MNAT1: variants seen among roughly 807,000 people sequenced by gnomAD.
The protein encoded by MNAT1 is CDK-activating kinase assembly factor MAT1.
MNAT1 carries 43 observed loss-of-function variants against 42.0 expected under a neutral mutation model. That is an observed-to-expected ratio of 1.02 (90% CI 0.80 to 1.32). The LOEUF is 1.32. Ranked by LOEUF, MNAT1 falls within the 40% of genes most tolerant of loss-of-function variation. The pLI is 0.00. For synonymous variants in MNAT1, 118 were observed against 120.0 expected, an observed-to-expected ratio of 0.98 and a Z score of 0.11; for missense variants, 306 against 350.4, an observed-to-expected ratio of 0.87 and a Z score of 1.01.
At chr14:60,805,515 CAG>C (rs2139341966) in intron 3 of MNAT1, among the ~76,000 whole-genome samples, 1 of 152,310 alleles carries the variant, frequency 6.6e-6, no homozygotes, top group South Asian at 2.1e-4. Flanking sequence ...TTATATCATA[CAG>C]AGTCATTTTA....
At chr14:60,852,682 T>G (rs901775841) in intron 6 of MNAT1, among the ~76,000 whole-genome samples, 4 of 152,260 alleles carry the variant, frequency 2.6e-5, no homozygotes, top group African/African-American at 4.8e-5. Context: ...GTTTTGGGTT[T>G]TACCTTTAAG....
At chr14:60,812,153 G>A in intron 5 of MNAT1, 26 bp downstream of exon 5, 1 of 1,499,558 alleles carries the variant, frequency 6.7e-7, no homozygotes, top group South Asian at 1.5e-5. Context: ...AATTGTGATT[G>A]TAAAAAACAT....
intron 7 of MNAT1, among the ~76,000 whole-genome samples, chr14:60,909,236 T>C (rs535989654): frequency 6.6e-6 from 1 of 152,308 alleles, no homozygotes; most frequent in South Asian, 2.1e-4. Flanking sequence ...CTTTGTCAGA[T>C]GAGTAGGTTG....
chr14:60,762,705 CAAAAAAAA>C (rs33957783), intron 1 of MNAT1, among the ~76,000 whole-genome samples: 9 of 94,792 alleles, frequency 9.5e-5, no homozygotes, highest in African/African-American at 3.8e-4. Flanking sequence ...GACTCTGTCT[CAAAAAAAA>C]AAAAAAAAAA....
At chr14:60,849,715 A>G (rs141889114) in intron 6 of MNAT1, among the ~76,000 whole-genome samples, 92 of 152,310 alleles carry the variant, frequency 6.0e-4, no homozygotes, top group African/African-American at 1.9e-3. Flanking sequence ...TGTAGATTCT[A>G]TAATTCTTTT....
At chr14:60,951,892 A>G (rs1334140335) in intron 7 of MNAT1, among the ~76,000 whole-genome samples, 1 of 152,122 alleles carries the variant, frequency 6.6e-6, no homozygotes, top group Non-Finnish European at 1.5e-5. Flanking sequence ...GGCTTCACTG[A>G]GTCTGAACCA....
intron 1 of MNAT1, chr14:60,780,576 A>G (rs1341303816): frequency 2.6e-6 from 4 of 1,513,520 alleles, no homozygotes; most frequent in Non-Finnish European, 3.6e-6. Flanking sequence ...GTGGCCTACA[A>G]AATTCCTGTC....
intron 7 of MNAT1, among the ~76,000 whole-genome samples, chr14:60,932,231 A>C (rs2035904091): frequency 6.6e-6 from 1 of 151,922 alleles, no homozygotes; most frequent in South Asian, 2.1e-4. Flanking sequence ...ATATTTCTTA[A>C]ATTTTTGTTT....
Position 60,891,799 on chromosome 14 carries a change from C to T in MNAT1, c.809+11964C>T, listed in dbSNP as rs530772480. 1.5e-4 allele frequency among the ~76,000 whole-genome samples: 23 copies of T among 152,180 alleles called. No homozygotes were observed. In the South Asian group the frequency reaches 4.8e-3, roughly 32 times the overall value. ...GTTAGCACTCATAGCTATAAATTTT[C>T]CTCTTAGTACTCTTTTGCTGTGTCC... On this transcript the variant is annotated intron_variant, in intron 7 of 7. Coordinates refer to ENST00000261245, the MANE Select transcript of MNAT1 (RefSeq NM_002431.4).
At chr14:60,946,683 G>GCA (rs1474693765) in intron 7 of MNAT1, among the ~76,000 whole-genome samples, 1 of 151,856 alleles carries the variant, frequency 6.6e-6, no homozygotes, top group East Asian at 1.9e-4. Flanking sequence ...TCTTTTTTAG[G>GCA]CACTTCTTGT....
intron 6 of MNAT1, among the ~76,000 whole-genome samples, chr14:60,820,639 C>G (rs1332020159): frequency 6.6e-6 from 1 of 151,506 alleles, no homozygotes; most frequent in Non-Finnish European, 1.5e-5. Flanking sequence ...TTACCCACTT[C>G]TCTCCACCTC....
chr14:60,964,953 A>G (rs976135921), intron 7 of MNAT1, among the ~76,000 whole-genome samples: 1 of 152,264 alleles, frequency 6.6e-6, no homozygotes, highest in African/African-American at 2.4e-5. Context: ...ATAAAAGCCC[A>G]CAATTGAATA....
chr14:60,778,965 CTT>C (rs1173918429), intron 1 of MNAT1, among the ~76,000 whole-genome samples: 1 of 152,176 alleles, frequency 6.6e-6, no homozygotes. Flanking sequence ...ATTCATATAG[CTT>C]TAGACCCTGT....
intron 5 of MNAT1, among the ~76,000 whole-genome samples, chr14:60,815,552 C>G (rs1157945975): frequency 6.6e-6 from 1 of 152,148 alleles, no homozygotes; most frequent in Non-Finnish European, 1.5e-5. Flanking sequence ...GTTTTGCTGC[C>G]TCATTGAGCT....
chr14:60,843,506 G>C (rs1009868564), intron 6 of MNAT1, among the ~76,000 whole-genome samples: 1 of 152,040 alleles, frequency 6.6e-6, no homozygotes, highest in Non-Finnish European at 1.5e-5. Context: ...TCCTGACCTC[G>C]TGATCCGCCT....
chr14:60,735,116 G>C (rs4151151), intron 1 of MNAT1, among the ~76,000 whole-genome samples, 165 bp downstream of exon 1: 1 of 152,120 alleles, frequency 6.6e-6, no homozygotes, highest in East Asian at 1.9e-4. Context: ...GACTGTAGCC[G>C]CTAGCCCCGA....
chr14:60,932,242 C>T (rs1412588361), intron 7 of MNAT1, among the ~76,000 whole-genome samples: 1 of 151,780 alleles, frequency 6.6e-6, no homozygotes, highest in Non-Finnish European at 1.5e-5. Flanking sequence ...ATTTTTGTTT[C>T]ATTTGTAGTA....
intron 7 of MNAT1, among the ~76,000 whole-genome samples, chr14:60,938,981 A>G (rs2036073333): frequency 1.3e-5 from 2 of 152,266 alleles, no homozygotes; most frequent in East Asian, 3.9e-4. Context: ...GTGTCAAGGA[A>G]TTTATCCATT....
intron 7 of MNAT1, among the ~76,000 whole-genome samples, chr14:60,882,560 T>C (rs944569879): frequency 8.5e-5 from 13 of 152,192 alleles, no homozygotes; most frequent in African/African-American, 2.9e-4. Flanking sequence ...GCAGATGTCA[T>C]TTTGAAATAC....
Sources: allele counts gnomAD v4.1 joint callset (sites outside exome capture counted in the v4.1 genomes callset), GRCh38; gene constraint gnomAD v4.1.1; transcripts MANE v1.5; gene names NCBI Gene and HGNC (gene_info 2026-07-23, HGNC 2026-07-21).